Variants in ESR1 observed in about 807,000 individuals in gnomAD.
The protein encoded by ESR1 is estrogen receptor 1.
Under a neutral mutation model 52.7 loss-of-function variants are expected in ESR1, and 12 were observed. The observed-to-expected ratio is 0.23, with a 90% CI of 0.15 to 0.37. ESR1 has a LOEUF of 0.37. ESR1 is among the 10% of genes least tolerant of loss of function. The probability of loss-of-function intolerance (pLI) is 1.00; values close to 1 mark genes in which losing one functional copy is unlikely to be tolerated. For synonymous variants in ESR1, 305 were observed against 316.8 expected, an observed-to-expected ratio of 0.96 and a Z score of 0.39; for missense variants, 584 against 779.7, an observed-to-expected ratio of 0.75 and a Z score of 2.99.
chr6:151,769,678 G>C (rs1424501393), intron 2 of ESR1, among the ~76,000 whole-genome samples: 1 of 152,184 alleles, frequency 6.6e-6, no homozygotes. Context: ...TTCAGTCTGG[G>C]ATATACTAAG....
At chr6:152,112,337 T>A (rs1483954014) in intron 6 of ESR1, among the ~76,000 whole-genome samples, 3 of 152,208 alleles carry the variant, frequency 2.0e-5, no homozygotes, top group Non-Finnish European at 2.9e-5. Flanking sequence ...AAAGTTAAAA[T>A]AGATGCCCTT....
At chr6:151,760,165 A>T (rs1443217821) in intron 2 of ESR1, among the ~76,000 whole-genome samples, 1 of 152,072 alleles carries the variant, frequency 6.6e-6, no homozygotes, top group East Asian at 1.9e-4. Context: ...TTCCCAGGAG[A>T]CTTGTTTCTT....
intron 1 of ESR1, among the ~76,000 whole-genome samples, chr6:151,817,727 C>T (rs901297123): frequency 6.6e-6 from 1 of 152,210 alleles, no homozygotes; most frequent in Admixed American, 6.5e-5. Flanking sequence ...CAAACACACA[C>T]CTGTGCCAGT....
intron 3 of ESR1, among the ~76,000 whole-genome samples, chr6:151,884,608 T>C (rs1407501868): frequency 6.6e-6 from 1 of 152,220 alleles, no homozygotes; most frequent in Non-Finnish European, 1.5e-5. Flanking sequence ...GCATGATTTG[T>C]CTCCATGAAC....
chr6:152,022,168 T>C (rs1209040367), intron 5 of ESR1, among the ~76,000 whole-genome samples: 2 of 152,130 alleles, frequency 1.3e-5, no homozygotes, highest in Non-Finnish European at 2.9e-5. Flanking sequence ...GTTGGGCCTG[T>C]GGATTGAGCC....
At chr6:151,793,874 C>T (rs1265709777) in intron 2 of ESR1, among the ~76,000 whole-genome samples, 1 of 152,194 alleles carries the variant, frequency 6.6e-6, no homozygotes, top group Non-Finnish European at 1.5e-5. Context: ...TGCCTACCTG[C>T]TCCCCAGAGA....
intron 4 of ESR1, among the ~76,000 whole-genome samples, chr6:151,955,598 GAATA>G (rs1162834128): frequency 6.6e-6 from 1 of 151,294 alleles, no homozygotes; most frequent in Non-Finnish European, 1.5e-5. Flanking sequence ...AAGTAAGGTG[GAATA>G]AATAAATAGA....
At chr6:152,008,821 G>A (rs2042538865) in intron 4 of ESR1, among the ~76,000 whole-genome samples, 1 of 151,824 alleles carries the variant, frequency 6.6e-6, no homozygotes, top group African/African-American at 2.4e-5. Flanking sequence ...TAAGTTTAAT[G>A]TACCGTGTAA....
chr6:151,809,740 G>T (rs887285288), intron 1 of ESR1, among the ~76,000 whole-genome samples: 1 of 152,138 alleles, frequency 6.6e-6, no homozygotes, highest in African/African-American at 2.4e-5. Flanking sequence ...CCACAGCCAC[G>T]CAGATCCAAG....
chr6:151,930,046 C>T (rs891136804), intron 3 of ESR1, among the ~76,000 whole-genome samples: 4 of 150,658 alleles, frequency 2.7e-5, no homozygotes, highest in African/African-American at 4.9e-5. Flanking sequence ...TGCAATGGTG[C>T]GATCTTGGCT....
chr6:151,943,406 CAAAA>C (rs139828703), intron 3 of ESR1, among the ~76,000 whole-genome samples: 14,335 of 143,838 alleles, frequency 0.1, 1,223 homozygotes, highest in African/African-American at 0.23. Flanking sequence ...AAAACAAAAA[CAAAA>C]AAAAAACCAC....
rs1385293466 is a variant in ESR1 at position 152,061,924 on chromosome 6, C to T, written c.1369+800C>T. ...TCTACAGCCTCTGGGACCTAAAGCTCACATTGGGTATCAGCGGTACAGCAG... is the reference window on the plus strand; with the variant it reads ...TCTACAGCCTCTGGGACCTAAAGCTTACATTGGGTATCAGCGGTACAGCAG... On this transcript the variant is annotated intron_variant, in intron 6 of 7. Transcript: ENST00000206249. This position sits in a 1 kb window ranked among gnomAD's most constrained non-coding sequence, Gnocchi z 4.3. Among the ~76,000 whole-genome samples the T allele has an allele frequency of 2.0e-5, 3 of 152,176 alleles. No homozygotes were observed. Among genetic ancestry groups the T allele is most frequent in the Non-Finnish European group, 2.9e-5 (2 of 68,034 alleles).
chr6:151,863,356 T>G (rs1789245470), intron 2 of ESR1, among the ~76,000 whole-genome samples: 1 of 152,202 alleles, frequency 6.6e-6, no homozygotes, highest in Admixed American at 6.6e-5. Context: ...AAGAGGTCCT[T>G]CACATCCCTT....
chr6:152,100,935 G>T lies in ESR1; in HGVS notation c.*1969G>T, dbSNP rs1178082715. The T allele has an allele frequency of 4.4e-6, 1 of 228,206 alleles. No individual in the cohort carries two copies. Among genetic ancestry groups the T allele is most frequent in the African/African-American group, 2.2e-5 (1 of 44,906 alleles). The allele number at this position is 228,206 out of a possible 1,614,324, so 14.1% of individuals were successfully genotyped here. A position where few individuals can be genotyped will look rare whatever the true frequency, so the allele number is the denominator to read the frequency against. The stretch of plus-strand genomic sequence containing the variant: ...TATATAGTATAATATATATTTTTTT[G>T]AAATTACATTGCTTGTTTATCAGAC... On this transcript the variant is annotated 3_prime_UTR_variant, in exon 8 of 8. Transcript: ENST00000206249.
intron 2 of ESR1, among the ~76,000 whole-genome samples, chr6:151,792,309 C>T (rs916621090): frequency 1.3e-5 from 2 of 152,074 alleles, no homozygotes; most frequent in Non-Finnish European, 2.9e-5. Flanking sequence ...AGGCCTAGGG[C>T]ATTATTGTAT....
intron 2 of ESR1, among the ~76,000 whole-genome samples, chr6:151,843,201 T>A (rs886981953): frequency 6.6e-6 from 1 of 152,234 alleles, no homozygotes; most frequent in Non-Finnish European, 1.5e-5. Flanking sequence ...ATCTCTCTAC[T>A]CAGGCCTTGT....
intron 3 of ESR1, among the ~76,000 whole-genome samples, chr6:151,924,984 G>A (rs1221063273): frequency 6.6e-6 from 1 of 152,048 alleles, no homozygotes; most frequent in Non-Finnish European, 1.5e-5. Flanking sequence ...CCAGGAATGG[G>A]ATTGCTGGGT....
At chr6:151,770,716 A>G (rs1785442377) in intron 2 of ESR1, among the ~76,000 whole-genome samples, 1 of 152,158 alleles carries the variant, frequency 6.6e-6, no homozygotes, top group Non-Finnish European at 1.5e-5. Flanking sequence ...TTACATATGT[A>G]ATTTTACTGT....
At chr6:151,659,138 T>A (rs956181398) in intron 1 of ESR1, among the ~76,000 whole-genome samples, 1 of 152,108 alleles carries the variant, frequency 6.6e-6, no homozygotes, top group Non-Finnish European at 1.5e-5. Flanking sequence ...CTCAGCCTCC[T>A]GAGTAGCTGG....
Sources: gnomAD v4.1 joint callset for allele counts (sites outside exome capture counted in the v4.1 genomes callset) on GRCh38, gnomAD v4.1.1 for gene constraint, Gnocchi (gnomAD v3.1) non-coding constraint, MANE v1.5 for transcripts, NCBI Gene and HGNC (gene_info 2026-07-23, HGNC 2026-07-21) for gene names.